The following SYN3 variants were observed in gnomAD, a reference collection of about 807,000 sequenced individuals.
The protein encoded by SYN3 is synapsin III.
In SYN3, 35 loss-of-function variants were observed where a neutral mutation model predicts 65.8. The ratio of observed to expected loss-of-function variants is 0.53; its 90% CI spans 0.41 to 0.70. SYN3 has a LOEUF of 0.70. Among genes scored for constraint, SYN3 ranks in the 30% least tolerant of loss-of-function variants. The pLI, the probability that SYN3 is intolerant of heterozygous loss-of-function variation, is 0.00. For synonymous variants in SYN3, 270 were observed against 292.9 expected (o/e 0.92, Z 0.80); for missense variants, 680 against 749.0 (o/e 0.91, Z 1.08).
intron 7 of SYN3, among the ~76,000 whole-genome samples, chr22:32,561,350 T>C (rs914029875): frequency 3.1e-4 from 47 of 152,234 alleles, no homozygotes; most frequent in African/African-American, 1.1e-3. Context: ...AATTTTCTAG[T>C]ATTTACAGCC....
At chr22:32,650,655 C>G (rs111603071) in intron 6 of SYN3, among the ~76,000 whole-genome samples, 3,313 of 152,200 alleles carry the variant, frequency 0.022, 49 homozygotes, top group Middle Eastern at 0.037. Flanking sequence ...AGGAGAAAAA[C>G]AGAGGCCCAG....
intron 6 of SYN3, among the ~76,000 whole-genome samples, chr22:32,647,290 C>G (rs1034157034): frequency 6.6e-6 from 1 of 152,078 alleles, no homozygotes; most frequent in Non-Finnish European, 1.5e-5. Flanking sequence ...ACTGTGGGCT[C>G]CTCTTCCAAG....
intron 6 of SYN3, among the ~76,000 whole-genome samples, chr22:32,702,227 C>T (rs2060818721): frequency 6.6e-6 from 1 of 152,194 alleles, no homozygotes; most frequent in Non-Finnish European, 1.5e-5. Flanking sequence ...CCTGTAATCC[C>T]AGCACTTTGG....
At chr22:32,797,930 C>G (rs1473549490) in intron 6 of SYN3, among the ~76,000 whole-genome samples, 1 of 152,242 alleles carries the variant, frequency 6.6e-6, no homozygotes, top group Non-Finnish European at 1.5e-5. Flanking sequence ...GACGCCTGGA[C>G]AGGCAAAGTG....
intron 4 of SYN3, among the ~76,000 whole-genome samples, chr22:32,877,250 A>G (rs763878585): frequency 5.3e-4 from 81 of 152,196 alleles, no homozygotes; most frequent in Non-Finnish European, 9.8e-4. Context: ...CTAAAACACA[A>G]TGAGGCTCTA....
chr22:32,573,886 C>T (rs2058814120), intron 7 of SYN3, among the ~76,000 whole-genome samples: 1 of 150,470 alleles, frequency 6.6e-6, no homozygotes, highest in South Asian at 2.1e-4. Context: ...TCTCCTGCCT[C>T]AGCCTCCCGA....
chr22:32,805,764 A>G (rs776322807), intron 6 of SYN3, among the ~76,000 whole-genome samples: 5 of 152,162 alleles, frequency 3.3e-5, no homozygotes, highest in Non-Finnish European at 7.3e-5. Context: ...TATCAGTTAT[A>G]CCATGCTTCA....
intron 4 of SYN3, among the ~76,000 whole-genome samples, chr22:32,907,085 T>C (rs1408715345): frequency 6.6e-6 from 1 of 152,226 alleles, no homozygotes; most frequent in African/African-American, 2.4e-5. Flanking sequence ...ATCACCACAC[T>C]GTCTTCCACA....
intron 6 of SYN3, among the ~76,000 whole-genome samples, chr22:32,634,697 C>T: frequency 6.6e-6 from 1 of 152,170 alleles, no homozygotes. Flanking sequence ...GGACTGCCCT[C>T]CAGCATCACC....
At chr22:32,765,202 A>G (rs530373620) in intron 6 of SYN3, among the ~76,000 whole-genome samples, 211 of 152,296 alleles carry the variant, frequency 1.4e-3, no homozygotes, top group African/African-American at 4.8e-3. Flanking sequence ...GCCAGTCCCA[A>G]GAAGTTAAAA....
chr22:32,865,848 AG>A (rs2048675478), intron 5 of SYN3, among the ~76,000 whole-genome samples: 2 of 152,148 alleles, frequency 1.3e-5, no homozygotes, highest in Admixed American at 1.3e-4. Flanking sequence ...AGGGAAGCAT[AG>A]GGGGTGAAGG....
chr22:32,729,768 G>A (rs1369326508), intron 6 of SYN3, among the ~76,000 whole-genome samples: 1 of 152,126 alleles, frequency 6.6e-6, no homozygotes, highest in Non-Finnish European at 1.5e-5. Context: ...GCTTCACTAG[G>A]GCTTGTGTTG....
At chr22:32,890,084 T>TC (rs1210691246) in intron 4 of SYN3, among the ~76,000 whole-genome samples, 1 of 146,088 alleles carries the variant, frequency 6.8e-6, no homozygotes, top group Non-Finnish European at 1.5e-5. Flanking sequence ...TTTTTTTTTT[T>TC]TTTTTTTTTT....
intron 1 of SYN3, among the ~76,000 whole-genome samples, chr22:33,040,315 G>GA (rs1215428787): frequency 4.6e-5 from 7 of 152,030 alleles, no homozygotes; most frequent in Admixed American, 3.9e-4. Flanking sequence ...CCATAACAGA[G>GA]AAAATGAGTT....
At chr22:32,877,042 C>A (rs967404201) in intron 4 of SYN3, among the ~76,000 whole-genome samples, 2 of 152,214 alleles carry the variant, frequency 1.3e-5, no homozygotes, top group Non-Finnish European at 2.9e-5. Flanking sequence ...ACTAGTCATT[C>A]CCCTTCCTCT....
intron 6 of SYN3, among the ~76,000 whole-genome samples, chr22:32,835,524 T>C (rs2047705656): frequency 6.6e-6 from 1 of 152,082 alleles, no homozygotes; most frequent in Non-Finnish European, 1.5e-5. Context: ...TGATTTTAAA[T>C]GTGAAGTATG....
At chr22:32,634,129 G>A (rs2059783049) in intron 6 of SYN3, among the ~76,000 whole-genome samples, 1 of 152,114 alleles carries the variant, frequency 6.6e-6, no homozygotes, top group Non-Finnish European at 1.5e-5. Context: ...ATATGTATAC[G>A]TAATAACTTA....
At chr22:33,042,315 G>A (rs902456929) in intron 1 of SYN3, among the ~76,000 whole-genome samples, 3 of 152,080 alleles carry the variant, frequency 2.0e-5, no homozygotes, top group Non-Finnish European at 4.4e-5. Context: ...GGGGGTCAGG[G>A]GCAGGAAAGG....
chr22:32,901,482 T>C (rs1363058215), intron 4 of SYN3, among the ~76,000 whole-genome samples: 2 of 152,204 alleles, frequency 1.3e-5, no homozygotes, highest in Admixed American at 6.5e-5. Flanking sequence ...CAATTCCTTA[T>C]CTTGGTGAAC....
Sources: gnomAD v4.1 joint callset for allele counts (sites outside exome capture counted in the v4.1 genomes callset) on GRCh38, gnomAD v4.1.1 for gene constraint, MANE v1.5 for transcripts, NCBI Gene and HGNC (gene_info 2026-07-23, HGNC 2026-07-21) for gene names.